Variants in KLF17 observed in about 807,000 individuals in gnomAD.
The protein encoded by KLF17 is Krueppel-like factor 17.
A neutral mutation model predicts 34.2 loss-of-function variants in KLF17; 31 were observed. That is an observed-to-expected ratio of 0.91 (90% CI 0.68 to 1.22). The LOEUF is 1.22. KLF17 is among the 50% of genes most tolerant of loss of function. KLF17 has a pLI of 0.00. For synonymous variants in KLF17, 179 were observed against 186.7 expected, an observed-to-expected ratio of 0.96 and a Z score of 0.34; for missense variants, 478 against 505.2, an observed-to-expected ratio of 0.95 and a Z score of 0.52.
the KLF17 span, among the ~76,000 whole-genome samples, chr1:44,093,246 CAG>C: frequency 2.0e-5 from 3 of 152,022 alleles, no homozygotes; most frequent in Admixed American, 6.5e-5. Flanking sequence ...AATAGAGTAA[CAG>C]GGGGAAAATA....
At chr1:44,082,252 T>A in the KLF17 span, among the ~76,000 whole-genome samples, 1 of 152,230 alleles carries the variant, frequency 6.6e-6, no homozygotes, top group Non-Finnish European at 1.5e-5. Flanking sequence ...AGCAACTGAA[T>A]AGCGGAAGAT....
chr1:44,127,690 CTTTT>C (rs67082537), intron 1 of KLF17, among the ~76,000 whole-genome samples: 582 of 32,140 alleles, frequency 0.018, 9 homozygotes, highest in African/African-American at 0.045. Flanking sequence ...TTCTTTCTTT[CTTTT>C]TCTTTCTTTC....
Position 44,129,886 on chromosome 1 carries a change from C to G in KLF17, c.615C>G (p.Leu205=). The G allele has an allele frequency of 3.1e-6, 5 of 1,614,180 alleles. No homozygotes were observed. Among genetic ancestry groups the G allele is most frequent in the Non-Finnish European group, 4.2e-6 (5 of 1,180,034 alleles). The change falls in exon 2 of 4, where the codon CTC becomes CTG. Residue 205 remains leucine (L), a synonymous_variant. Transcript: ENST00000372299. ...CTTCCACTGAGGCCCAGGCAGTGCT[C>G]CCCTCCATGGCTCAGATGTTGCCCC... The part of the protein sequence containing the change: ...TVPSTEAQAV[L]PSMAQMLPPQ...
chr1:44,074,509 AAGAC>A, the KLF17 span, among the ~76,000 whole-genome samples: 26 of 152,254 alleles, frequency 1.7e-4, no homozygotes, highest in African/African-American at 5.1e-4. Flanking sequence ...CACCCAGGGG[AAGAC>A]AGACAGCTTT....
chr1:44,103,086 T>C, the KLF17 span, among the ~76,000 whole-genome samples: 10 of 152,310 alleles, frequency 6.6e-5, no homozygotes, highest in African/African-American at 2.4e-4. Flanking sequence ...GGTTTTATTT[T>C]GGACACACAA....
At chr1:44,091,961 ACT>A in the KLF17 span, among the ~76,000 whole-genome samples, 1,564 of 116,282 alleles carry the variant, frequency 0.013, 16 homozygotes, top group East Asian at 0.026. Flanking sequence ...ACACACACAC[ACT>A]CTCTCTCTCT....
At chr1:44,072,244 G>A in the KLF17 span, among the ~76,000 whole-genome samples, 4 of 152,148 alleles carry the variant, frequency 2.6e-5, no homozygotes, top group East Asian at 7.7e-4. Context: ...GGGAAGTGTG[G>A]GTTTGGGTGG....
the KLF17 span, among the ~76,000 whole-genome samples, chr1:44,069,469 C>CGAGAGAGAGAGA: frequency 2.4e-5 from 3 of 127,084 alleles, no homozygotes; most frequent in African/African-American, 6.1e-5. The surrounding 1 kb of genome is among the most constrained non-coding windows in gnomAD (Gnocchi z 4.7). Flanking sequence ...TGTTACATGG[C>CGAGAGAGAGAGA]GAGAGAGAGA....
At chr1:44,130,884 C>T in intron 3 of KLF17, 128 bp downstream of exon 3, 1 of 853,654 alleles carries the variant, frequency 1.2e-6, no homozygotes, top group Non-Finnish European at 1.8e-6. Context: ...CACCTTCCAC[C>T]TCCCAGGTTC....
chr1:44,080,446 G>A, the KLF17 span, among the ~76,000 whole-genome samples: 2 of 151,476 alleles, frequency 1.3e-5, no homozygotes, highest in East Asian at 2.0e-4. Context: ...CACCATGTTA[G>A]CCAGTATGGT....
intron 1 of KLF17, 22 bp downstream of exon 1, chr1:44,119,010 G>A: frequency 1.3e-6 from 2 of 1,585,810 alleles, no homozygotes; most frequent in South Asian, 1.1e-5. Flanking sequence ...GCCAGCCCCT[G>A]GCAGGCCGGG....
the KLF17 span, among the ~76,000 whole-genome samples, chr1:44,067,278 A>G: frequency 1.3e-5 from 2 of 152,160 alleles, no homozygotes; most frequent in African/African-American, 4.8e-5. Flanking sequence ...TTTGCAGACA[A>G]CAGGATCTGC....
At chr1:44,051,276 G>A in the KLF17 span, 8 of 152,358 alleles carry the variant, frequency 5.3e-5, no homozygotes, top group Admixed American at 3.9e-4. Context: ...TAGAATCATC[G>A]TTTTCCCTGG....
the KLF17 span, chr1:44,101,513 G>A: frequency 1.3e-5 from 2 of 152,074 alleles, no homozygotes; most frequent in Admixed American, 6.6e-5. Context: ...ATTTGGGTTC[G>A]TTTGATGTTT....
At chr1:44,100,447 T>C in the KLF17 span, among the ~76,000 whole-genome samples, 114 of 152,062 alleles carry the variant, frequency 7.5e-4, no homozygotes, top group Admixed American at 1.5e-3. Context: ...TTTTATAAAT[T>C]GAAACAAAAA....
chr1:44,048,249 C>T, the KLF17 span: 1 of 152,162 alleles, frequency 6.6e-6, no homozygotes, highest in Non-Finnish European at 1.5e-5. Context: ...AGGAAAAGAA[C>T]GCATAGCCAG....
rs78666670 is a variant in KLF17 at position 44,129,463 on chromosome 1, C to T, written c.192C>T (p.Ser64=). 872 of 1,609,450 alleles carry T rather than the reference C, an allele frequency of 5.4e-4. 9 individuals carry two copies. In the African/African-American group the frequency reaches 0.011, roughly 20 times the overall value. Residue 64 remains serine, a synonymous_variant, in exon 2 of 4, where the codon AGC becomes AGT. Transcript: ENST00000372299. ...CAAGCATTCAGCACTTTCCTCACAG[C>T]GCAGAGATGCTGGGGTCCCCTTTGG... ...GLPSIQHFPH[S]AEMLGSPLVS... is the part of the protein sequence containing the mutation.
chr1:44,077,447 A>T, the KLF17 span, among the ~76,000 whole-genome samples: 3 of 152,190 alleles, frequency 2.0e-5, no homozygotes, highest in African/African-American at 7.2e-5. Flanking sequence ...GGCATAAAAC[A>T]ATTATTTTAC....
chr1:44,094,193 GT>G, the KLF17 span, among the ~76,000 whole-genome samples: 99,062 of 150,904 alleles, frequency 0.66, 32,787 homozygotes, highest in South Asian at 0.76. Flanking sequence ...CAGGTTATTT[GT>G]TTTTTTTTTC....
Sources: allele counts gnomAD v4.1 joint callset (sites outside exome capture counted in the v4.1 genomes callset), GRCh38; gene constraint gnomAD v4.1.1; non-coding constraint Gnocchi (gnomAD v3.1); transcripts MANE v1.5; gene names NCBI Gene and HGNC (gene_info 2026-07-23, HGNC 2026-07-21).